Variants in RPA3 observed in about 807,000 individuals in gnomAD.
RPA3 encodes replication protein A 14 kDa subunit.
RPA3 carries 24 observed loss-of-function variants against 13.7 expected under a neutral mutation model. The ratio of observed to expected loss-of-function variants is 1.75; its 90% CI spans 1.27 to 2.46. RPA3 has a LOEUF of 2.46. Ranked by LOEUF, RPA3 falls within the 30% of genes most tolerant of loss-of-function variation. The probability of loss-of-function intolerance (pLI) is 0.00; values close to 1 mark genes in which losing one functional copy is unlikely to be tolerated. For synonymous variants in RPA3, 59 were observed against 51.2 expected, an observed-to-expected ratio of 1.15 and a Z score of -0.65; for missense variants, 183 against 151.0, an observed-to-expected ratio of 1.21 and a Z score of -1.11.
rs56068438 is a variant in RPA3 at position 7,636,872 on chromosome 7, G to C, written c.*128C>G. 1,321 of 724,440 alleles carry C rather than the reference G, an allele frequency of 1.8e-3. 14 individuals are homozygous for C. The African/African-American group carries it at 0.021, about 12-fold the overall frequency. 44.9% of individuals were successfully genotyped at this position (724,440 alleles called of 1,614,324 possible). On this transcript the variant is annotated 3_prime_UTR_variant, in exon 8 of 8. Transcript: ENST00000223129. ...TATATCAGTTCCATCAAAAACTCTA[G>C]GTTGGAATATCTTAAAAACAGCAAA...
intron 2 of RPA3, among the ~76,000 whole-genome samples, chr7:7,709,806 A>G (rs1780706379): frequency 6.6e-6 from 1 of 152,142 alleles, no homozygotes; most frequent in Non-Finnish European, 1.5e-5. Flanking sequence ...TAATGAGAAC[A>G]TATTCAGAAT....
chr7:7,638,797 T>G (rs1053871682), intron 6 of RPA3: 2 of 302,092 alleles, frequency 6.6e-6, no homozygotes, highest in African/African-American at 4.3e-5. Context: ...ATTTTTCTTA[T>G]GTGATTTTAT....
At chr7:7,639,565 T>C (rs1784919975) in intron 5 of RPA3, among the ~76,000 whole-genome samples, 1 of 152,202 alleles carries the variant, frequency 6.6e-6, no homozygotes, top group Non-Finnish European at 1.5e-5. Flanking sequence ...GTCCTACTCC[T>C]GGGAAGCAGC....
At chr7:7,644,230 C>CT (rs1210231160) in intron 4 of RPA3, among the ~76,000 whole-genome samples, 3 of 151,724 alleles carry the variant, frequency 2.0e-5, no homozygotes, top group African/African-American at 7.3e-5. Context: ...TTATGTTTAT[C>CT]TTTTTTTCCT....
intron 4 of RPA3, among the ~76,000 whole-genome samples, chr7:7,668,242 G>A (rs1196064949): frequency 1.3e-5 from 2 of 152,086 alleles, no homozygotes; most frequent in African/African-American, 2.4e-5. Flanking sequence ...TACACAATGT[G>A]AATAATTGTG....
intron 4 of RPA3, among the ~76,000 whole-genome samples, chr7:7,665,994 T>G (rs758736685): frequency 4.3e-4 from 65 of 152,202 alleles, no homozygotes; most frequent in Non-Finnish European, 5.0e-4. Flanking sequence ...TTACAACATT[T>G]GTATACAAGT....
intron 4 of RPA3, among the ~76,000 whole-genome samples, chr7:7,659,826 C>T (rs1056614523): frequency 6.6e-6 from 1 of 152,054 alleles, no homozygotes; most frequent in Non-Finnish European, 1.5e-5. Flanking sequence ...TCTGCTTGGT[C>T]CAGAGCCAAG....
intron 4 of RPA3, among the ~76,000 whole-genome samples, chr7:7,647,674 TGTG>T (rs1233638028): frequency 6.6e-6 from 1 of 152,160 alleles, no homozygotes; most frequent in African/African-American, 2.4e-5. Flanking sequence ...GTGGCGTGAT[TGTG>T]GTGCAATGCA....
chr7:7,649,914 G>A (rs1031665664), intron 4 of RPA3, among the ~76,000 whole-genome samples: 2 of 152,204 alleles, frequency 1.3e-5, no homozygotes, highest in Non-Finnish European at 2.9e-5. Context: ...AAAGATGGCT[G>A]TCTGTGAACC....
At chr7:7,641,519 C>A (rs1053786858) in intron 4 of RPA3, 1 of 152,202 alleles carries the variant, frequency 6.6e-6, no homozygotes, top group African/African-American at 2.4e-5. Flanking sequence ...ACCCCCTCAG[C>A]AGTCTTTCTG....
At chr7:7,664,535 C>T (rs1196221129) in intron 4 of RPA3, among the ~76,000 whole-genome samples, 1 of 152,176 alleles carries the variant, frequency 6.6e-6, no homozygotes, top group Non-Finnish European at 1.5e-5. Context: ...TGCTTATCTA[C>T]ATGGTTCCTT....
chr7:7,693,253 A>G (rs1259403864), intron 2 of RPA3, among the ~76,000 whole-genome samples: 1 of 152,028 alleles, frequency 6.6e-6, no homozygotes, highest in African/African-American at 2.4e-5. Context: ...AATTCACCAA[A>G]CATTTACTAA....
intron 2 of RPA3, among the ~76,000 whole-genome samples, chr7:7,690,255 C>T (rs966431519): frequency 2.6e-5 from 4 of 151,982 alleles, no homozygotes; most frequent in Admixed American, 6.6e-5. Context: ...ATTTCCAAAA[C>T]GCTGAAGGCA....
rs1784944300 is a variant in RPA3 at position 7,640,585 on chromosome 7, A to C, written c.-167T>G. 1.5e-6 allele frequency: 1 copy of C among 646,338 alleles called. No individual in the cohort carries two copies. The highest frequency in any genetic ancestry group is 2.7e-6 in the Non-Finnish European group (1 of 365,424). The allele number at this position is 646,338 out of a possible 1,614,324, so 40.0% of individuals were successfully genotyped here. ...CTAAATCGCAATCGCGCTGTCTCTG[A>C]AAGGGGTGGAGAAGGGGCTGGATGA... On this transcript the variant is annotated 5_prime_UTR_variant, in exon 5 of 8. Coordinates refer to ENST00000223129, the MANE Select transcript of RPA3 (RefSeq NM_002947.5).
chr7:7,709,890 C>G (rs1472909805), intron 2 of RPA3, among the ~76,000 whole-genome samples: 1 of 152,088 alleles, frequency 6.6e-6, no homozygotes, highest in African/African-American at 2.4e-5. Flanking sequence ...TTGAAGTTCT[C>G]TAAGTCTTCT....
intron 4 of RPA3, among the ~76,000 whole-genome samples, chr7:7,650,794 G>C (rs1156521930): frequency 6.6e-6 from 1 of 152,062 alleles, no homozygotes; most frequent in Non-Finnish European, 1.5e-5. Flanking sequence ...GATTTCCTCC[G>C]GCATCACTGT....
At chr7:7,658,009 T>C (rs1431223629) in intron 4 of RPA3, among the ~76,000 whole-genome samples, 2 of 152,166 alleles carry the variant, frequency 1.3e-5, no homozygotes, top group Admixed American at 1.3e-4. Flanking sequence ...TTATAATTCT[T>C]CTTGAAGAGG....
chr7:7,671,287 G>A (rs1298256191), intron 4 of RPA3, among the ~76,000 whole-genome samples: 1 of 152,096 alleles, frequency 6.6e-6, no homozygotes, highest in Non-Finnish European at 1.5e-5. Context: ...TCACCTCTGT[G>A]CATGCCCCCC....
At chr7:7,717,654 C>A (rs1178591891) in intron 1 of RPA3, among the ~76,000 whole-genome samples, 1 of 152,076 alleles carries the variant, frequency 6.6e-6, no homozygotes, top group Non-Finnish European at 1.5e-5. Context: ...CTGTTTTTCC[C>A]ACTTTGGGGC....
Sources: gnomAD v4.1 joint callset for allele counts (sites outside exome capture counted in the v4.1 genomes callset) on GRCh38, gnomAD v4.1.1 for gene constraint, MANE v1.5 for transcripts, NCBI Gene and HGNC (gene_info 2026-07-23, HGNC 2026-07-21) for gene names.